Variants in CFAP46 observed in about 807,000 individuals in gnomAD.
CFAP46 encodes cilia and flagella associated protein 46.
A neutral mutation model predicts 325.7 loss-of-function variants in CFAP46; 245 were observed. The observed-to-expected ratio is 0.75, with a 90% confidence interval of 0.68 to 0.84. The LOEUF is 0.84. Among genes scored for constraint, CFAP46 ranks in the 40% least tolerant of loss-of-function variants. The pLI is 0.00. For missense variants in CFAP46, 3,346 were observed against 3,543.0 expected (o/e 0.94, Z 1.41); for synonymous variants, 1,523 against 1,495.9 (o/e 1.02, Z -0.42).
intron 49 of CFAP46, among the ~76,000 whole-genome samples, chr10:132,833,755 C>A (rs1022224395): frequency 6.6e-6 from 1 of 152,214 alleles, no homozygotes; most frequent in Non-Finnish European, 1.5e-5. Context: ...TGTGGTGTGG[C>A]GGGGCTGACA....
intron 50 of CFAP46, among the ~76,000 whole-genome samples, chr10:132,818,582 G>T (rs549031544): frequency 6.6e-6 from 1 of 152,242 alleles, no homozygotes; most frequent in East Asian, 1.9e-4. Context: ...GCCAGGTGCG[G>T]TGGTTCATGC....
In CFAP46 at chr10:132,942,443, G is replaced by A. The variant is rs1850123064; in HGVS notation, c.42C>T (p.Ser14=). 7.4e-7 allele frequency: 1 copy of A among 1,344,278 alleles called. No individual in the cohort carries two copies. Among genetic ancestry groups the A allele is most frequent in the Non-Finnish European group, 9.5e-7 (1 of 1,053,592 alleles). 83.3% of individuals were successfully genotyped at this position (1,344,278 alleles called of 1,614,324 possible). A position where few individuals can be genotyped will look rare whatever the true frequency, so the allele number is the denominator to read the frequency against. The change falls in exon 1 of 58, where the codon AGC becomes AGT. Residue 14 remains serine, a synonymous_variant. Coordinates refer to ENST00000368586, the MANE Select transcript of CFAP46 (RefSeq NM_001200049.3). ...TGGCGGGCCTGGGGTCACCTTGCTGGCTCTCGGCGCGGGCCAGCTCCTGCG... is the reference window on the plus strand; with the variant it reads ...TGGCGGGCCTGGGGTCACCTTGCTGACTCTCGGCGCGGGCCAGCTCCTGCG... The part of the protein sequence containing the change: ...VITQELARAE[S]QQDAASLKKA...
chr10:132,851,017 T>C (rs1000910248), intron 40 of CFAP46, 100 bp downstream of exon 40: 1 of 1,427,744 alleles, frequency 7.0e-7, no homozygotes, highest in Non-Finnish European at 9.7e-7. Flanking sequence ...CACCGCCAGG[T>C]GCACAGTGGT....
At chr10:132,840,582 G>A (rs1021238561) in intron 44 of CFAP46, among the ~76,000 whole-genome samples, 7 of 152,086 alleles carry the variant, frequency 4.6e-5, no homozygotes, top group African/African-American at 9.7e-5. Context: ...CCTGTAACCC[G>A]TTTGAGCTAA....
chr10:132,897,293 T>C (rs1849332220), intron 24 of CFAP46, among the ~76,000 whole-genome samples: 1 of 152,202 alleles, frequency 6.6e-6, no homozygotes, highest in African/African-American at 2.4e-5. Flanking sequence ...ATGCATCAAA[T>C]GGCATGATCA....
At chr10:132,885,691 G>C in intron 26 of CFAP46, 130 bp downstream of exon 26, 4 of 813,510 alleles carry the variant, frequency 4.9e-6, no homozygotes, top group Non-Finnish European at 7.2e-6. Context: ...CACTCCGGTG[G>C]GGGAGCACAC....
intron 50 of CFAP46, among the ~76,000 whole-genome samples, chr10:132,816,190 T>C (rs943250020): frequency 3.3e-5 from 5 of 151,986 alleles, no homozygotes; most frequent in Admixed American, 6.6e-5. Flanking sequence ...TCGCTGCTGG[T>C]GCGTCGTTAG....
chr10:132,912,321 C>CTT (rs142921855), intron 19 of CFAP46, among the ~76,000 whole-genome samples: 50,357 of 113,222 alleles, frequency 0.44, 14,148 homozygotes, highest in African/African-American at 0.67. Flanking sequence ...TGTCTCTTCT[C>CTT]CTCTCTTCTT....
intron 7 of CFAP46, among the ~76,000 whole-genome samples, chr10:132,935,512 C>T (rs151134735): frequency 2.7e-3 from 366 of 134,638 alleles, no homozygotes; most frequent in South Asian, 5.3e-3. Flanking sequence ...CCCCTCAGCA[C>T]CCAAACACAC....
At chr10:132,866,946 T>G (rs1265873600) in intron 34 of CFAP46, among the ~76,000 whole-genome samples, 1 of 152,218 alleles carries the variant, frequency 6.6e-6, no homozygotes, top group African/African-American at 2.4e-5. Context: ...CCCTCTTCGC[T>G]GCCCCCACCT....
At chr10:132,852,255 G>A (rs1377267900) in intron 39 of CFAP46, among the ~76,000 whole-genome samples, 1 of 150,994 alleles carries the variant, frequency 6.6e-6, no homozygotes, top group Non-Finnish European at 1.5e-5. Flanking sequence ...CCACAGACGT[G>A]GTATGTTCCT....
At chr10:132,880,536 C>T (rs901634466) in intron 28 of CFAP46, among the ~76,000 whole-genome samples, 3 of 152,168 alleles carry the variant, frequency 2.0e-5, no homozygotes, top group Admixed American at 6.5e-5. Context: ...GCCTCTGGGC[C>T]GGCCCAGCTG....
rs768944332 is a variant in CFAP46 at position 132,926,545 on chromosome 10, A to T, written c.1065+23T>A. 4.2e-4 allele frequency: 624 copies of T among 1,494,098 alleles called. 3 individuals carry two copies. The highest frequency in any genetic ancestry group is 1.4e-3 in the Middle Eastern group (8 of 5,912). The allele number at this position is 1,494,098 out of a possible 1,614,324, so 92.6% of individuals were successfully genotyped here. Reference sequence around the variant, plus strand: ...GAATCTGCAAAATAATGCCAGGTGTATGACTCCTGCGTAAGGACTGACCTC... The same window carrying T: ...GAATCTGCAAAATAATGCCAGGTGTTTGACTCCTGCGTAAGGACTGACCTC... On this transcript the variant is annotated intron_variant, in intron 10 of 57. Transcript: ENST00000368586.
At position 132,938,623 on chromosome 10, in the gene CFAP46, C is replaced by G; in HGVS notation, c.502G>C (p.Glu168Gln). 6.2e-7 allele frequency: 1 copy of G among 1,613,598 alleles called. No homozygotes were observed. Among genetic ancestry groups the G allele is most frequent in the Non-Finnish European group, 8.5e-7 (1 of 1,179,994 alleles). Residue 168 changes from glutamate to glutamine, a missense_variant, in exon 5 of 58, where the codon GAG becomes CAG. Physicochemically the swap from Glu to Gln is conservative, Grantham distance 29. Coordinates refer to ENST00000368586, the MANE Select transcript of CFAP46 (RefSeq NM_001200049.3). The part of the protein sequence containing the change: ...QIINVLSQTE[E>Q]EDKEWRAELM... The stretch of plus-strand genomic sequence containing the variant: ...TCAGCACGCCACTCCTTGTCTTCCT[C>G]CTCAGTCTGACTCAGCACGTTTATG...
intron 8 of CFAP46, 127 bp from the exon 9 acceptor site, chr10:132,929,931 A>G: frequency 1.4e-6 from 1 of 697,228 alleles, no homozygotes; most frequent in Non-Finnish European, 2.3e-6. Context: ...AATAAATAAA[A>G]TTAAGTTAAT....
intron 28 of CFAP46, among the ~76,000 whole-genome samples, chr10:132,879,996 G>GC (rs1272350302): frequency 1.3e-5 from 2 of 152,086 alleles, no homozygotes; most frequent in African/African-American, 2.4e-5. Context: ...TCTGAGCAGG[G>GC]CCCCCACTCA....
At chr10:132,914,980 C>T (rs545238486) in intron 17 of CFAP46, among the ~76,000 whole-genome samples, 8 of 152,384 alleles carry the variant, frequency 5.2e-5, no homozygotes, top group South Asian at 2.1e-4. Flanking sequence ...GCCGTCACAC[C>T]GAGCGCAGGG....
At chr10:132,852,928 G>A (rs1848582269) in intron 39 of CFAP46, among the ~76,000 whole-genome samples, 1 of 152,208 alleles carries the variant, frequency 6.6e-6, no homozygotes, top group African/African-American at 2.4e-5. Context: ...ACAAAACTCA[G>A]CATTAGTAGC....
chr10:132,847,151 C>G lies in CFAP46; in HGVS notation c.6087+36G>C. On this transcript the variant is annotated intron_variant, in intron 42 of 57. Coordinates refer to ENST00000368586, the MANE Select transcript of CFAP46 (RefSeq NM_001200049.3). This position sits in a 1 kb window ranked among gnomAD's most constrained non-coding sequence, Gnocchi z 5.2. ...GCTCAGGCTCAGGCCAGGCTCCGGG[C>G]AGAGGCCACACGAGGGGCAGGAGGG... The G allele has an allele frequency of 1.2e-6, 2 of 1,608,326 alleles. No individual in the cohort carries two copies. Among genetic ancestry groups the G allele is most frequent in the South Asian group, 1.1e-5 (1 of 90,780 alleles).
Sources: allele counts gnomAD v4.1 joint callset (sites outside exome capture counted in the v4.1 genomes callset), GRCh38; gene constraint gnomAD v4.1.1; non-coding constraint Gnocchi (gnomAD v3.1); transcripts MANE v1.5; gene names NCBI Gene and HGNC (gene_info 2026-07-23, HGNC 2026-07-21).